Variants in UCN2 observed in about 807,000 individuals in gnomAD.
UCN2 encodes urocortin 2.
Under a neutral mutation model 1.6 loss-of-function variants are expected in UCN2, and 3 were observed. That is an observed-to-expected ratio of 1.88 (90% confidence interval 0.85 to 4.85). UCN2 has a LOEUF of 4.85. UCN2 is among the 30% of genes most tolerant of loss of function. The pLI is 0.02. For missense variants in UCN2, 127 were observed against 150.8 expected (o/e 0.84, Z 0.83); for synonymous variants, 64 against 66.0 (o/e 0.97, Z 0.15).
In UCN2 at chr3:48,561,878, C is replaced by G. The variant is rs1426724155; in HGVS notation, c.*908G>C. On this transcript the variant is annotated 3_prime_UTR_variant, in exon 2 of 2. Transcript: ENST00000273610. The surrounding 1 kb of genome is among the most constrained non-coding windows in gnomAD (Gnocchi z 5.2). ...GAAAGGTGAACACCTTTGCCCAGGA[C>G]AGTCCGTGCGTGAAGTGGGACAGAG... 1 of 152,318 alleles carries G rather than the reference C, an allele frequency of 6.6e-6. No individual in the cohort carries two copies. Among genetic ancestry groups the G allele is most frequent in the Non-Finnish European group, 1.5e-5 (1 of 68,102 alleles). 9.4% of individuals were successfully genotyped at this position (152,318 alleles called of 1,614,324 possible).
At position 48,562,490 on chromosome 3, in the gene UCN2, A is replaced by C; in HGVS notation, c.*296T>G. On this transcript the variant is annotated 3_prime_UTR_variant, in exon 2 of 2. Coordinates refer to ENST00000273610, the MANE Select transcript of UCN2 (RefSeq NM_033199.4). The surrounding 1 kb of genome is among the most constrained non-coding windows in gnomAD (Gnocchi z 4.3). ...GTGGCAGCATCCAAGCTGTCCGGAC[A>C]TATATTAGGTCTGTGGGGCACACAG... 4.5e-6 allele frequency: 2 copies of C among 445,314 alleles called. No individual in the cohort carries two copies. Among genetic ancestry groups the C allele is most frequent in the Admixed American group, 3.9e-5 (1 of 25,326 alleles). 27.6% of individuals were successfully genotyped at this position (445,314 alleles called of 1,614,324 possible). A position where few individuals can be genotyped will look rare whatever the true frequency, so the allele number is the denominator to read the frequency against.
In UCN2 at chr3:48,562,447, C is replaced by T. The variant is rs923654800; in HGVS notation, c.*339G>A. 3 of 336,986 alleles carry T rather than the reference C, an allele frequency of 8.9e-6. No individual in the cohort carries two copies. The highest frequency in any genetic ancestry group is 2.1e-5 in the African/African-American group (1 of 46,682). The allele number at this position is 336,986 out of a possible 1,614,324, so 20.9% of individuals were successfully genotyped here. A position where few individuals can be genotyped will look rare whatever the true frequency, so the allele number is the denominator to read the frequency against. ...GGGCACCCAGACATAGCAAGACTCG[C>T]CACAGCAGTGACCTTACGTGGCAGC... On this transcript the variant is annotated 3_prime_UTR_variant, in exon 2 of 2. Coordinates refer to ENST00000273610, the MANE Select transcript of UCN2 (RefSeq NM_033199.4). The surrounding 1 kb of genome is among the most constrained non-coding windows in gnomAD (Gnocchi z 4.3).
In UCN2 at chr3:48,562,714, T is replaced by C. The variant is rs1011777076; in HGVS notation, c.*72A>G. 32 of 1,396,636 alleles carry C rather than the reference T, an allele frequency of 2.3e-5. No individual in the cohort carries two copies. The highest frequency in any genetic ancestry group is 7.0e-5 in the Admixed American group (3 of 42,838). The allele number at this position is 1,396,636 out of a possible 1,614,324, so 86.5% of individuals were successfully genotyped here. Reference sequence around the variant, plus strand: ...GTATGCCCAGATGTGGCAGCATCCGTCCAGCTGTGTGGCTGCCCTCCAGGT... The same window carrying C: ...GTATGCCCAGATGTGGCAGCATCCGCCCAGCTGTGTGGCTGCCCTCCAGGT... On this transcript the variant is annotated 3_prime_UTR_variant, in exon 2 of 2. Coordinates refer to ENST00000273610, the MANE Select transcript of UCN2 (RefSeq NM_033199.4). This position sits in a 1 kb window ranked among gnomAD's most constrained non-coding sequence, Gnocchi z 4.3.
Position 48,563,776 on chromosome 3 carries a change from T to G in UCN2, c.-86A>C. The stretch of plus-strand genomic sequence containing the variant: ...GCTGGGGCCAGGCACTACTGTCCTG[T>G]GGTCTGACCCTCTACCCCGCTTCAG... On this transcript the variant is annotated 5_prime_UTR_variant, in exon 1 of 2. Transcript: ENST00000273610. This position sits in a 1 kb window ranked among gnomAD's most constrained non-coding sequence, Gnocchi z 4.5. The G allele has an allele frequency of 5.9e-6, 1 of 168,710 alleles. No homozygotes were observed. The highest frequency in any genetic ancestry group is 1.3e-5 in the Non-Finnish European group (1 of 76,876). 10.5% of individuals were successfully genotyped at this position (168,710 alleles called of 1,614,324 possible). A position where few individuals can be genotyped will look rare whatever the true frequency, so the allele number is the denominator to read the frequency against.
At position 48,561,894 on chromosome 3, in the gene UCN2, T is replaced by G. The variant is rs1183049427; in HGVS notation, c.*892A>C. The G allele has an allele frequency of 6.6e-6, 1 of 152,172 alleles. No individual in the cohort carries two copies. Among genetic ancestry groups the G allele is most frequent in the African/African-American group, 2.4e-5 (1 of 41,416 alleles). The allele number at this position is 152,172 out of a possible 1,614,324, so 9.4% of individuals were successfully genotyped here. On this transcript the variant is annotated 3_prime_UTR_variant, in exon 2 of 2. Coordinates refer to ENST00000273610, the MANE Select transcript of UCN2 (RefSeq NM_033199.4). The surrounding 1 kb of genome is among the most constrained non-coding windows in gnomAD (Gnocchi z 5.2). ...TGCCCAGGACAGTCCGTGCGTGAAGTGGGACAGAGTTTGGTTGGAGCTCCG... is the reference window on the plus strand; with the variant it reads ...TGCCCAGGACAGTCCGTGCGTGAAGGGGGACAGAGTTTGGTTGGAGCTCCG...
At position 48,562,533 on chromosome 3, in the gene UCN2, G is replaced by A. The variant is rs2043448418; in HGVS notation, c.*253C>T. 6 of 540,288 alleles carry A rather than the reference G, an allele frequency of 1.1e-5. No homozygotes were observed. The East Asian group carries it at 1.3e-4, about 12-fold the overall frequency. 33.5% of individuals were successfully genotyped at this position (540,288 alleles called of 1,614,324 possible). A position where few individuals can be genotyped will look rare whatever the true frequency, so the allele number is the denominator to read the frequency against. On this transcript the variant is annotated 3_prime_UTR_variant, in exon 2 of 2. Transcript: ENST00000273610. The surrounding 1 kb of genome is among the most constrained non-coding windows in gnomAD (Gnocchi z 4.3). ...GCACACAGGCATGGCAAGACTCCATGTGGCAGTGACCCAACTTAGCAATGT... is the reference window on the plus strand; with the variant it reads ...GCACACAGGCATGGCAAGACTCCATATGGCAGTGACCCAACTTAGCAATGT...
At position 48,561,769 on chromosome 3, in the gene UCN2, C is replaced by T. The variant is rs2043436203; in HGVS notation, c.*1017G>A. 1 of 146,594 alleles carries T rather than the reference C, an allele frequency of 6.8e-6. No individual in the cohort carries two copies. The highest frequency in any genetic ancestry group is 2.1e-4 in the South Asian group (1 of 4,660). The allele number at this position is 146,594 out of a possible 1,614,324, so 9.1% of individuals were successfully genotyped here. A position where few individuals can be genotyped will look rare whatever the true frequency, so the allele number is the denominator to read the frequency against. ...TGTGTTTATTGAGCACCTCCTGCTG[C>T]AGGACCTCCATGTCTGCTATATACA... On this transcript the variant is annotated 3_prime_UTR_variant, in exon 2 of 2. Coordinates refer to ENST00000273610, the MANE Select transcript of UCN2 (RefSeq NM_033199.4). The surrounding 1 kb of genome is among the most constrained non-coding windows in gnomAD (Gnocchi z 5.2).
Position 48,562,520 on chromosome 3 carries a change from G to A in UCN2, c.*266C>T, listed in dbSNP as rs1680412729. 1.9e-6 allele frequency: 1 copy of A among 527,434 alleles called. No individual in the cohort carries two copies. Among genetic ancestry groups the A allele is most frequent in the Non-Finnish European group, 3.3e-6 (1 of 300,126 alleles). The allele number at this position is 527,434 out of a possible 1,614,324, so 32.7% of individuals were successfully genotyped here. A position where few individuals can be genotyped will look rare whatever the true frequency, so the allele number is the denominator to read the frequency against. ...TTAGGTCTGTGGGGCACACAGGCAT[G>A]GCAAGACTCCATGTGGCAGTGACCC... On this transcript the variant is annotated 3_prime_UTR_variant, in exon 2 of 2. Coordinates refer to ENST00000273610, the MANE Select transcript of UCN2 (RefSeq NM_033199.4). This position sits in a 1 kb window ranked among gnomAD's most constrained non-coding sequence, Gnocchi z 4.3.
At position 48,563,008 on chromosome 3, in the gene UCN2, A is replaced by C. The variant is rs1486115688; in HGVS notation, c.117T>G (p.Thr39=). 1 of 1,610,554 alleles carries C rather than the reference A, an allele frequency of 6.2e-7. No individual in the cohort carries two copies. Among genetic ancestry groups the C allele is most frequent in the South Asian group, 1.1e-5 (1 of 90,074 alleles). Residue 39 remains threonine, a synonymous_variant, in exon 2 of 2, where the codon ACT becomes ACG. Transcript: ENST00000273610. This position sits in a 1 kb window ranked among gnomAD's most constrained non-coding sequence, Gnocchi z 4.5. ...GGCTCTCTGAGGCCGCAGGTCGGGGAGTGGTCTGGGGAGAATTCTGAGGGC... is the reference window on the plus strand; with the variant it reads ...GGCTCTCTGAGGCCGCAGGTCGGGGCGTGGTCTGGGGAGAATTCTGAGGGC... ...QLRPQNSPQT[T]PRPAASESPS...
Position 48,563,196 on chromosome 3 carries a change from G to A in UCN2, c.-12-60C>T, listed in dbSNP as rs771951360. 1 of 1,436,334 alleles carries A rather than the reference G, an allele frequency of 7.0e-7. No homozygotes were observed. The highest frequency in any genetic ancestry group is 9.5e-7 in the Non-Finnish European group (1 of 1,049,596). 89.0% of individuals were successfully genotyped at this position (1,436,334 alleles called of 1,614,324 possible). A position where few individuals can be genotyped will look rare whatever the true frequency, so the allele number is the denominator to read the frequency against. The stretch of plus-strand genomic sequence containing the variant: ...TGGTCAACTGGGGTCCATGGACAGA[G>A]ACAGATGGCAAGGGCAGAGTGACAG... On this transcript the variant is annotated intron_variant, in intron 1 of 1. Coordinates refer to ENST00000273610, the MANE Select transcript of UCN2 (RefSeq NM_033199.4). The surrounding 1 kb of genome is among the most constrained non-coding windows in gnomAD (Gnocchi z 4.5).
chr3:48,562,574 T>C lies in UCN2; in HGVS notation c.*212A>G, dbSNP rs994309321. ...TTAGCAATGTCCAATGTCCAGGCTGTCCAGACACACTGTGACTCTGTGGGG... is the reference window on the plus strand; with the variant it reads ...TTAGCAATGTCCAATGTCCAGGCTGCCCAGACACACTGTGACTCTGTGGGG... On this transcript the variant is annotated 3_prime_UTR_variant, in exon 2 of 2. Coordinates refer to ENST00000273610, the MANE Select transcript of UCN2 (RefSeq NM_033199.4). This position sits in a 1 kb window ranked among gnomAD's most constrained non-coding sequence, Gnocchi z 4.3. 3.4e-6 allele frequency: 2 copies of C among 589,740 alleles called. No homozygotes were observed. The highest frequency in any genetic ancestry group is 6.8e-5 in the Admixed American group (2 of 29,374). The allele number at this position is 589,740 out of a possible 1,614,324, so 36.5% of individuals were successfully genotyped here. A position where few individuals can be genotyped will look rare whatever the true frequency, so the allele number is the denominator to read the frequency against.
rs1374969354 is a variant in UCN2 at position 48,562,952 on chromosome 3, G to T, written c.173C>A (p.Ala58Asp). 1.9e-6 allele frequency: 3 copies of T among 1,605,006 alleles called. No individual in the cohort carries two copies. The highest frequency in any genetic ancestry group is 2.6e-6 in the Non-Finnish European group (3 of 1,175,972). ...PSAAPTWPWAAQSHCSPTRHP... is the reference protein window; with the variant it reads ...PSAAPTWPWADQSHCSPTRHP... ...GCGGGTGGGGCTGCAGTGGCTCTGG[G>T]CAGCCCACGGCCATGTGGGAGCAGC... The change falls in exon 2 of 2, where the codon GCC becomes GAC. Residue 58 changes from alanine (A) to aspartate (D), a missense_variant. Physicochemically the swap from Ala to Asp is moderately radical, Grantham distance 126. This residue lies in a region of UCN2 where 122 missense variants were observed against 131.5 expected (regional missense o/e 0.93). Coordinates refer to ENST00000273610, the MANE Select transcript of UCN2 (RefSeq NM_033199.4). The surrounding 1 kb of genome is among the most constrained non-coding windows in gnomAD (Gnocchi z 4.3).
chr3:48,563,250 C>A lies in UCN2; in HGVS notation c.-12-114G>T, dbSNP rs953219043. The stretch of plus-strand genomic sequence containing the variant: ...GGGGGATGGAGAGAGAGGAAGACAC[C>A]GAGAAAGGGGTTAGAGAGGCCAGGC... On this transcript the variant is annotated intron_variant, in intron 1 of 1. Coordinates refer to ENST00000273610, the MANE Select transcript of UCN2 (RefSeq NM_033199.4). This position sits in a 1 kb window ranked among gnomAD's most constrained non-coding sequence, Gnocchi z 4.5. 5.4e-6 allele frequency: 5 copies of A among 932,162 alleles called. No homozygotes were observed. Among genetic ancestry groups the A allele is most frequent in the Non-Finnish European group, 7.9e-6 (5 of 634,018 alleles). The allele number at this position is 932,162 out of a possible 1,614,324, so 57.7% of individuals were successfully genotyped here.
Position 48,562,819 on chromosome 3 carries a change from G to A in UCN2, c.306C>T (p.Asn102=), listed in dbSNP as rs199600581. 2.2e-5 allele frequency: 34 copies of A among 1,570,432 alleles called. No homozygotes were observed. Among genetic ancestry groups the A allele is most frequent in the East Asian group, 1.6e-4 (7 of 42,922 alleles). The change falls in exon 2 of 2, where the codon AAC becomes AAT. Residue 102 remains asparagine, a synonymous_variant. Coordinates refer to ENST00000273610, the MANE Select transcript of UCN2 (RefSeq NM_033199.4). The surrounding 1 kb of genome is among the most constrained non-coding windows in gnomAD (Gnocchi z 4.3). ...ARAAREQATT[N]ARILARVGHC ...GGCCGACACGGGCCAGGATGCGGGC[G>A]TTGGTGGTGGCCTGCTCCCTGGCAG...
Position 48,562,527 on chromosome 3 carries a change from CT to C in UCN2, c.*258del. 1 of 533,594 alleles carries C rather than the reference CT, an allele frequency of 1.9e-6. No homozygotes were observed. The highest frequency in any genetic ancestry group is 2.5e-5 in the South Asian group (1 of 39,220). The allele number at this position is 533,594 out of a possible 1,614,324, so 33.1% of individuals were successfully genotyped here. On this transcript the variant is annotated 3_prime_UTR_variant, in exon 2 of 2. Transcript: ENST00000273610. This position sits in a 1 kb window ranked among gnomAD's most constrained non-coding sequence, Gnocchi z 4.3. ...TGTGGGGCACACAGGCATGGCAAGA[CT>C]CCATGTGGCAGTGACCCAACTTAGC...
At position 48,562,606 on chromosome 3, in the gene UCN2, G is replaced by C; in HGVS notation, c.*180C>G. ...ACACTGTGACTCTGTGGGGCACTCA[G>C]ATCTGATATGACCTGCATGACAGTG... On this transcript the variant is annotated 3_prime_UTR_variant, in exon 2 of 2. Coordinates refer to ENST00000273610, the MANE Select transcript of UCN2 (RefSeq NM_033199.4). The surrounding 1 kb of genome is among the most constrained non-coding windows in gnomAD (Gnocchi z 4.3). 1.5e-6 allele frequency: 1 copy of C among 645,848 alleles called. No homozygotes were observed. The highest frequency in any genetic ancestry group is 2.6e-6 in the Non-Finnish European group (1 of 384,898). 40.0% of individuals were successfully genotyped at this position (645,848 alleles called of 1,614,324 possible). A position where few individuals can be genotyped will look rare whatever the true frequency, so the allele number is the denominator to read the frequency against.
rs1348754155 is a variant in UCN2, at chr3:48,563,698, C to G, written c.-13+5G>C. The stretch of plus-strand genomic sequence containing the variant: ...CCTTCCCATCCCGACCCAACCCAGT[C>G]CTACCGCCACCAGCTGCTTCTGGGG... On this transcript the variant is annotated splice_donor_5th_base_variant and intron_variant, in intron 1 of 1. Transcript: ENST00000273610. This position sits in a 1 kb window ranked among gnomAD's most constrained non-coding sequence, Gnocchi z 4.5. The G allele has an allele frequency of 6.1e-6, 1 of 163,114 alleles. No individual in the cohort carries two copies. The highest frequency in any genetic ancestry group is 1.3e-5 in the Non-Finnish European group (1 of 74,446). The allele number at this position is 163,114 out of a possible 1,614,324, so 10.1% of individuals were successfully genotyped here. A position where few individuals can be genotyped will look rare whatever the true frequency, so the allele number is the denominator to read the frequency against.
Position 48,563,204 on chromosome 3 carries a change from G to C in UCN2, c.-12-68C>G, listed in dbSNP as rs1381416684. 1.5e-6 allele frequency: 2 copies of C among 1,377,012 alleles called. No individual in the cohort carries two copies. Among genetic ancestry groups the C allele is most frequent in the East Asian group, 4.7e-5 (2 of 42,156 alleles). The allele number at this position is 1,377,012 out of a possible 1,614,324, so 85.3% of individuals were successfully genotyped here. A position where few individuals can be genotyped will look rare whatever the true frequency, so the allele number is the denominator to read the frequency against. On this transcript the variant is annotated intron_variant, in intron 1 of 1. Transcript: ENST00000273610. This position sits in a 1 kb window ranked among gnomAD's most constrained non-coding sequence, Gnocchi z 4.5. Reference sequence around the variant, plus strand: ...TGGGGTCCATGGACAGAGACAGATGGCAAGGGCAGAGTGACAGAGCGGGGG... The same window carrying C: ...TGGGGTCCATGGACAGAGACAGATGCCAAGGGCAGAGTGACAGAGCGGGGG...
chr3:48,563,232 GGAGA>G lies in UCN2; in HGVS notation c.-12-100_-12-97del. The G allele has an allele frequency of 9.2e-7, 1 of 1,085,784 alleles. No individual in the cohort carries two copies. 67.3% of individuals were successfully genotyped at this position (1,085,784 alleles called of 1,614,324 possible). A position where few individuals can be genotyped will look rare whatever the true frequency, so the allele number is the denominator to read the frequency against. On this transcript the variant is annotated intron_variant, in intron 1 of 1. Transcript: ENST00000273610. The surrounding 1 kb of genome is among the most constrained non-coding windows in gnomAD (Gnocchi z 4.5). ...AGGGCAGAGTGACAGAGCGGGGGAT[GGAGA>G]GAGAGGAAGACACCGAGAAAGGGGT...
Sources: allele counts gnomAD v4.1 joint callset, GRCh38; gene constraint gnomAD v4.1.1; regional missense constraint gnomAD v4.1.1; non-coding constraint Gnocchi (gnomAD v3.1); transcripts MANE v1.5; gene names NCBI Gene and HGNC (gene_info 2026-07-23, HGNC 2026-07-21).